The following GSN variants were observed in gnomAD, a reference collection of about 807,000 sequenced individuals.
GSN encodes gelsolin.
A neutral mutation model predicts 85.7 loss-of-function variants in GSN; 56 were observed. The ratio of observed to expected loss-of-function variants is 0.65; its 90% CI spans 0.53 to 0.82. The LOEUF (loss-of-function observed/expected upper bound fraction) is 0.82, where lower values mean the gene tolerates loss of function less well. Among genes scored for constraint, GSN ranks in the 40% least tolerant of loss-of-function variants. GSN has a pLI of 0.00. For missense variants in GSN, 857 were observed against 979.8 expected (o/e 0.87, Z 1.67); for synonymous variants, 373 against 399.1 (o/e 0.93, Z 0.78).
At chr9:121,232,226 C>T (rs188476175) in intron 5 of GSN, among the ~76,000 whole-genome samples, 3 of 152,358 alleles carry the variant, frequency 2.0e-5, no homozygotes, top group East Asian at 3.9e-4. Flanking sequence ...GGACCTGCTT[C>T]ATGACTGTCC....
rs570941875 is a variant in GSN, at chr9:121,318,805, C to A, written c.1116C>A (p.Asp372Glu). 1.9e-6 allele frequency: 3 copies of A among 1,613,994 alleles called. No homozygotes were observed. The highest frequency in any genetic ancestry group is 2.5e-6 in the Non-Finnish European group (3 of 1,179,998). The change falls in exon 10 of 18, where the codon GAC becomes GAA. Residue 372 changes from aspartate (D) to glutamate (E), a missense_variant. Physicochemically the swap from Asp to Glu is conservative, Grantham distance 45. Transcript: ENST00000432226. The surrounding 1 kb of genome is among the most constrained non-coding windows in gnomAD (Gnocchi z 4.3). The part of the protein sequence containing the change: ...HIANVERVPF[D>E]AATLHTSTAM... Reference sequence around the variant, plus strand: ...CCAACGTGGAGCGGGTGCCCTTCGACGCCGCCACCCTGCACACCTCCACTG... The same window carrying A: ...CCAACGTGGAGCGGGTGCCCTTCGAAGCCGCCACCCTGCACACCTCCACTG...
chr9:121,212,283 G>A (rs1000228153), intron 4 of GSN, among the ~76,000 whole-genome samples: 1 of 152,236 alleles, frequency 6.6e-6, no homozygotes, highest in African/African-American at 2.4e-5. Flanking sequence ...CAACTCTGCA[G>A]TTTATTAGCT....
At chr9:121,326,162 C>G (rs531031652) in intron 12 of GSN, among the ~76,000 whole-genome samples, 1 of 150,602 alleles carries the variant, frequency 6.6e-6, no homozygotes, top group African/African-American at 2.4e-5. Context: ...CCAGGCCTGA[C>G]GTCAGCATTC....
At chr9:121,307,414 A>G (rs971962327) in intron 4 of GSN, among the ~76,000 whole-genome samples, 2 of 152,064 alleles carry the variant, frequency 1.3e-5, no homozygotes, top group Non-Finnish European at 2.9e-5. Flanking sequence ...CACCTTTTGG[A>G]AAAGGTTTGC....
chr9:121,243,702 C>T (rs956342736), intron 5 of GSN, among the ~76,000 whole-genome samples: 7 of 152,088 alleles, frequency 4.6e-5, no homozygotes, highest in African/African-American at 9.7e-5. Flanking sequence ...CTCAGCCTCC[C>T]GAGTAGCTGG....
intron 4 of GSN, among the ~76,000 whole-genome samples, chr9:121,216,996 T>G (rs558583703): frequency 3.9e-5 from 6 of 152,222 alleles, no homozygotes; most frequent in Non-Finnish European, 5.9e-5. Context: ...TTTTTTTAGT[T>G]CTGGGTTTTG....
chr9:121,252,881 G>T (rs2054869727), intron 6 of GSN, among the ~76,000 whole-genome samples: 1 of 152,190 alleles, frequency 6.6e-6, no homozygotes. Context: ...CCTGGAGGTG[G>T]AAAGTAGCTT....
chr9:121,221,287 G>C (rs2054165670), intron 4 of GSN, among the ~76,000 whole-genome samples: 2 of 152,284 alleles, frequency 1.3e-5, no homozygotes, highest in East Asian at 3.9e-4. Flanking sequence ...ATAAAAAAAA[G>C]AGCAGCCAGT....
chr9:121,274,750 A>G (rs1013751761), intron 1 of GSN, among the ~76,000 whole-genome samples: 1 of 152,194 alleles, frequency 6.6e-6, no homozygotes, highest in Non-Finnish European at 1.5e-5. Flanking sequence ...AAACCGACCT[A>G]ACAAAATTAT....
At chr9:121,240,948 A>G (rs2054592019) in intron 5 of GSN, among the ~76,000 whole-genome samples, 1 of 152,242 alleles carries the variant, frequency 6.6e-6, no homozygotes. Context: ...TCAGGAGAGC[A>G]GGTTTTGTTT....
chr9:121,317,478 G>A (rs932288373), intron 8 of GSN: 8 of 483,712 alleles, frequency 1.7e-5, no homozygotes, highest in African/African-American at 1.4e-4. Context: ...AGTTCTCTGA[G>A]AGGCTAATTG....
At position 121,321,377 on chromosome 9, in the gene GSN, G is replaced by T. The variant is rs1469557211; in HGVS notation, c.1301G>T (p.Arg434Leu). The part of the protein sequence containing the change: ...IILYNYRHGG[R>L]QGQIIYNWQG... ...CTGTACAACTACCGCCATGGTGGCC[G>T]CCAGGGGCAGATAATCTATAACTGG... Residue 434 changes from arginine (R) to leucine (L), a missense_variant, in exon 11 of 18, where the codon CGC becomes CTC. Transcript: ENST00000432226. 1.9e-6 allele frequency: 3 copies of T among 1,613,980 alleles called. No homozygotes were observed. Among genetic ancestry groups the T allele is most frequent in the Non-Finnish European group, 1.7e-6 (2 of 1,179,900 alleles).
At chr9:121,263,887 TC>T (rs1417212569), upstream of GSN, among the ~76,000 whole-genome samples, 6 of 49,298 alleles carry the variant, frequency 1.2e-4, no homozygotes, top group African/African-American at 3.8e-4. Flanking sequence ...AAACTCCATC[TC>T]AAAAAAAAAA....
chr9:121,328,652 C>T (rs902995229), intron 14 of GSN, among the ~76,000 whole-genome samples: 1 of 152,216 alleles, frequency 6.6e-6, no homozygotes, highest in African/African-American at 2.4e-5. Context: ...TCGTCAGCCT[C>T]AAGCCAATAG....
intron 17 of GSN, 22 bp downstream of exon 17, chr9:121,331,470 G>T: frequency 7.0e-7 from 1 of 1,433,950 alleles, no homozygotes; most frequent in Non-Finnish European, 9.7e-7. Context: ...AGTGCCTGGG[G>T]GCGGGGGGAG....
intron 2 of GSN, chr9:121,297,987 A>G (rs2059375265): frequency 6.6e-6 from 1 of 152,196 alleles, no homozygotes; most frequent in South Asian, 2.1e-4. Flanking sequence ...ATCATCCTCC[A>G]AATGGCTAGG....
chr9:121,326,769 G>T (rs747372499), intron 13 of GSN, 87 bp downstream of exon 13: 3 of 1,174,052 alleles, frequency 2.6e-6, no homozygotes, highest in Non-Finnish European at 3.9e-6. Context: ...ACAGGAACGG[G>T]GGCAGGGGAT....
intron 6 of GSN, among the ~76,000 whole-genome samples, chr9:121,258,955 C>G (rs2055024824): frequency 1.3e-5 from 2 of 152,328 alleles, no homozygotes; most frequent in Admixed American, 1.3e-4. Flanking sequence ...ATACCAAGTT[C>G]TGTGTTGGGC....
intron 16 of GSN, among the ~76,000 whole-genome samples, chr9:121,330,083 C>G (rs904671444): frequency 1.3e-5 from 2 of 152,172 alleles, no homozygotes; most frequent in Non-Finnish European, 1.5e-5. Context: ...GCAGCTTGAG[C>G]CATTCAGCAG....
Sources: gnomAD v4.1 joint callset for allele counts (sites outside exome capture counted in the v4.1 genomes callset) on GRCh38, gnomAD v4.1.1 for gene constraint, Gnocchi (gnomAD v3.1) non-coding constraint, MANE v1.5 for transcripts, NCBI Gene and HGNC (gene_info 2026-07-23, HGNC 2026-07-21) for gene names.